ZNF483: variants seen among roughly 807,000 people sequenced by gnomAD.
ZNF483 encodes zinc finger protein HIT-10.
A neutral mutation model predicts 28.6 loss-of-function variants in ZNF483; 9 were observed. That is an observed-to-expected ratio of 0.32 (90% CI 0.19 to 0.55). ZNF483 has a LOEUF of 0.55. ZNF483 is among the 20% of genes least tolerant of loss of function. The pLI, the probability that ZNF483 is intolerant of heterozygous loss-of-function variation, is 0.93. For synonymous variants in ZNF483, 322 were observed against 306.2 expected (o/e 1.05, Z -0.54); for missense variants, 675 against 871.7 (o/e 0.77, Z 2.84).
chr9:111,567,886 A>G (rs923991404), intron 5 of ZNF483, among the ~76,000 whole-genome samples: 2 of 152,210 alleles, frequency 1.3e-5, no homozygotes, highest in Non-Finnish European at 2.9e-5. Flanking sequence ...TTTCATTTTA[A>G]TATGGACATT....
chr9:111,572,756 C>CAAAAAAAAAAAAAAAAAAAAAAAAAAAA (rs58101079), intron 5 of ZNF483, among the ~76,000 whole-genome samples: 1 of 63,512 alleles, frequency 1.6e-5, no homozygotes, highest in Admixed American at 2.0e-4. Context: ...GACCCTGTCT[C>CAAAAAAAAAAAAAAAAAAAAAAAAAAAA]AAAAAAAAAA....
intron 5 of ZNF483, chr9:111,570,151 G>A: frequency 6.2e-7 from 1 of 1,614,078 alleles, no homozygotes; most frequent in Non-Finnish European, 8.5e-7. Flanking sequence ...CTTGCCAGCG[G>A]TAGACGACAA....
At position 111,547,966 on chromosome 9, in the gene ZNF483, T is replaced by G. The variant is rs1827843816; in HGVS notation, c.*4796T>G. Among the ~76,000 whole-genome samples the G allele has an allele frequency of 6.6e-6, 1 of 152,224 alleles. No individual in the cohort carries two copies. ...TGCATGTTTATTTCTGGCTGTCTGC[T>G]CTGTTTCTTTGGTCTATATGTTTGT... On this transcript the variant is annotated 3_prime_UTR_variant, in exon 6 of 6. Transcript: ENST00000309235.
rs1287308562 is a variant in ZNF483, at chr9:111,548,177, G to A, written c.*5007G>A. Among the ~76,000 whole-genome samples the A allele has an allele frequency of 3.3e-5, 5 of 152,114 alleles. No homozygotes were observed. The highest frequency in any genetic ancestry group is 4.8e-5 in the African/African-American group (2 of 41,420). On this transcript the variant is annotated 3_prime_UTR_variant, in exon 6 of 6. Transcript: ENST00000309235. ...AAATGAATTTTAGGATGGTTTGTTT[G>A]TTTTTGTGGAAAATGGCATGAAGAT... is the stretch of plus-strand genomic sequence containing the variant.
chr9:111,542,065 A>C lies in ZNF483; in HGVS notation c.1130A>C (p.His377Pro), dbSNP rs903707946. The C allele has an allele frequency of 1.4e-5, 23 of 1,614,194 alleles. No homozygotes were observed. Among genetic ancestry groups the C allele is most frequent in the Non-Finnish European group, 1.4e-5 (17 of 1,180,032 alleles). Residue 377 changes from histidine (H) to proline (P), a missense_variant, in exon 6 of 6, where the codon CAT becomes CCT. Transcript: ENST00000309235. This position sits in a 1 kb window ranked among gnomAD's most constrained non-coding sequence, Gnocchi z 6.2. ...AGTCACTCTTCAGCTCTTACTGAAC[A>C]TCAGAAACGTCAGAAGATTCATTTG... is the stretch of plus-strand genomic sequence containing the variant. ...VLSHSSALTE[H>P]QKRQKIHLGD... is the part of the protein sequence containing the mutation.
chr9:111,565,882 G>C (rs1340855182), intron 5 of ZNF483, among the ~76,000 whole-genome samples: 1 of 152,012 alleles, frequency 6.6e-6, no homozygotes, highest in African/African-American at 2.4e-5. Context: ...GATTAAAAAG[G>C]GAGTATGTGA....
At chr9:111,576,313 T>G (rs1829052551) in intron 5 of ZNF483, 2 of 1,603,996 alleles carry the variant, frequency 1.2e-6, no homozygotes, top group Non-Finnish European at 1.7e-6. Context: ...TGCTAAAATT[T>G]TATTTGTAAC....
intron 5 of ZNF483, among the ~76,000 whole-genome samples, chr9:111,535,264 T>A (rs1488271253): frequency 6.6e-6 from 1 of 152,226 alleles, no homozygotes; most frequent in Admixed American, 6.5e-5. Flanking sequence ...TTATGGACAC[T>A]AGAGGACGTA....
chr9:111,525,197 G>A lies in ZNF483; in HGVS notation c.-194G>A, dbSNP rs1227033531. 6.6e-6 allele frequency: 1 copy of A among 152,272 alleles called. No homozygotes were observed. The highest frequency in any genetic ancestry group is 1.5e-5 in the Non-Finnish European group (1 of 68,064). The allele number at this position is 152,272 out of a possible 1,614,324, so 9.4% of individuals were successfully genotyped here. ...TTCCCGCAGGCTTGCGCGCGCACTC[G>A]CTGCGGGACAAGCTTCTGGAAGCTC... is the stretch of plus-strand genomic sequence containing the variant. On this transcript the variant is annotated 5_prime_UTR_variant, in exon 1 of 6. Coordinates refer to ENST00000309235, the MANE Select transcript of ZNF483 (RefSeq NM_133464.5).
chr9:111,533,493 G>T (rs2132231257), intron 3 of ZNF483, among the ~76,000 whole-genome samples: 1 of 152,140 alleles, frequency 6.6e-6, no homozygotes, highest in Admixed American at 6.6e-5. Context: ...ACCAGCCTGG[G>T]CAAATAGTGA....
intron 5 of ZNF483, among the ~76,000 whole-genome samples, chr9:111,561,783 G>C (rs900204144): frequency 1.3e-5 from 2 of 151,444 alleles, no homozygotes; most frequent in Non-Finnish European, 2.9e-5. Flanking sequence ...CAAGCAATAG[G>C]GGTGGTAATC....
chr9:111,530,264 G>A (rs1017995533), intron 2 of ZNF483, among the ~76,000 whole-genome samples: 1 of 152,208 alleles, frequency 6.6e-6, no homozygotes, highest in South Asian at 2.1e-4. Flanking sequence ...TAACCACGTG[G>A]CAGTTCCTGG....
At position 111,542,645 on chromosome 9, in the gene ZNF483, G is replaced by A; in HGVS notation, c.1710G>A (p.Gln570=). ...FSHSSSLSKH[Q]RIHTGEKPYK... ...ATAGCTCATCCCTTTCCAAACATCA[G>A]AGAATTCATACTGGAGAGAAACCCT... The change falls in exon 6 of 6, where the codon CAG becomes CAA. Residue 570 remains glutamine, a synonymous_variant. Coordinates refer to ENST00000309235, the MANE Select transcript of ZNF483 (RefSeq NM_133464.5). This position sits in a 1 kb window ranked among gnomAD's most constrained non-coding sequence, Gnocchi z 6.2. 2.5e-6 allele frequency: 4 copies of A among 1,614,000 alleles called. No homozygotes were observed. The highest frequency in any genetic ancestry group is 3.4e-6 in the Non-Finnish European group (4 of 1,179,980).
rs1026783477 is a variant in ZNF483, at chr9:111,534,133, G to A, written c.629-128G>A. On this transcript the variant is annotated intron_variant, in intron 4 of 5. Transcript: ENST00000309235. ...TTTCCCATTTTTGTCTCAAGTTCCA[G>A]TATTTATGTCTGTGTATTTTGGTAG... 9 of 856,276 alleles carry A rather than the reference G, an allele frequency of 1.1e-5. No individual in the cohort carries two copies. The African/African-American group carries it at 1.4e-4, about 13-fold the overall frequency. 53.0% of individuals were successfully genotyped at this position (856,276 alleles called of 1,614,324 possible). A position where few individuals can be genotyped will look rare whatever the true frequency, so the allele number is the denominator to read the frequency against.
chr9:111,542,209 C>T lies in ZNF483; in HGVS notation c.1274C>T (p.Ala425Val), dbSNP rs534183277. 1.2e-6 allele frequency: 2 copies of T among 1,613,912 alleles called. No individual in the cohort carries two copies. Among genetic ancestry groups the T allele is most frequent in the Non-Finnish European group, 8.5e-7 (1 of 1,179,996 alleles). Residue 425 changes from alanine (A) to valine (V), a missense_variant, in exon 6 of 6, where the codon GCC (alanine) becomes GTC (valine). By Grantham distance (64) the Ala-to-Val change is moderately conservative (BLOSUM62 0). Coordinates refer to ENST00000309235, the MANE Select transcript of ZNF483 (RefSeq NM_133464.5). The surrounding 1 kb of genome is among the most constrained non-coding windows in gnomAD (Gnocchi z 6.2). ...CGGAAAGATTCATGTCAAGAAGCAG[C>T]CTTAAATAAAGATGAGGGAAATGAG... ...KCRKDSCQEA[A>V]LNKDEGNESG...
At chr9:111,534,007 T>A (rs1827413569) in intron 4 of ZNF483, 142 bp downstream of exon 4, 1 of 1,073,384 alleles carries the variant, frequency 9.3e-7, no homozygotes, top group Non-Finnish European at 1.4e-6. Flanking sequence ...AAAAACTGGT[T>A]CTGAAAATGT....
rs917327876 is a variant in ZNF483 at position 111,529,745 on chromosome 9, G to A, written c.413-1130G>A. ...ATATGAGCTAAGAGGAAATGCCTAG[G>A]TTTTCACAGGAAACTTTTATCTATG... is the stretch of plus-strand genomic sequence containing the variant. On this transcript the variant is annotated intron_variant, in intron 2 of 5. Coordinates refer to ENST00000309235, the MANE Select transcript of ZNF483 (RefSeq NM_133464.5). Among the ~76,000 whole-genome samples the A allele has an allele frequency of 3.9e-5, 6 of 152,302 alleles. No individual in the cohort carries two copies. The East Asian group carries it at 1.2e-3, about 29-fold the overall frequency.
intron 5 of ZNF483, among the ~76,000 whole-genome samples, chr9:111,561,110 T>TATATATAGAGAGAG (rs1457364862): frequency 4.2e-4 from 8 of 19,194 alleles, no homozygotes; most frequent in South Asian, 2.2e-3. Flanking sequence ...TATATATATA[T>TATATATAGAGAGAG]AGAGAGAGAG....
At chr9:111,535,071 C>G (rs1268167399) in intron 5 of ZNF483, among the ~76,000 whole-genome samples, 2 of 152,142 alleles carry the variant, frequency 1.3e-5, no homozygotes, top group Non-Finnish European at 2.9e-5. Context: ...GGAGTCCTTG[C>G]CATAGTTACC....
Sources: gnomAD v4.1 joint callset for allele counts (sites outside exome capture counted in the v4.1 genomes callset) on GRCh38, gnomAD v4.1.1 for gene constraint, Gnocchi (gnomAD v3.1) non-coding constraint, MANE v1.5 for transcripts, NCBI Gene and HGNC (gene_info 2026-07-23, HGNC 2026-07-21) for gene names.